DNAAF9: variants seen among roughly 807,000 people sequenced by gnomAD.
DNAAF9 encodes dynein axonemal assembly factor 9, also known as shulin.
DNAAF9 carries 90 observed loss-of-function variants against 167.0 expected under a neutral mutation model. The observed-to-expected ratio is 0.54, with a 90% CI of 0.45 to 0.64. The LOEUF (loss-of-function observed/expected upper bound fraction) is 0.64, where lower values mean the gene tolerates loss of function less well. Among genes scored for constraint, DNAAF9 ranks in the 30% least tolerant of loss-of-function variants. The pLI, the probability that DNAAF9 is intolerant of heterozygous loss-of-function variation, is 0.00. For synonymous variants in DNAAF9, 491 were observed against 508.8 expected, an observed-to-expected ratio of 0.96 and a Z score of 0.47; for missense variants, 1,315 against 1,442.2, an observed-to-expected ratio of 0.91 and a Z score of 1.43.
Position 3,260,040 on chromosome 20 carries a change from T to C in DNAAF9, c.2874-12A>G. The C allele has an allele frequency of 6.5e-7, 1 of 1,529,090 alleles. No individual in the cohort carries two copies. Among genetic ancestry groups the C allele is most frequent in the Non-Finnish European group, 9.1e-7 (1 of 1,102,518 alleles). The allele number at this position is 1,529,090 out of a possible 1,614,324, so 94.7% of individuals were successfully genotyped here. ...ATTTACCTTCATACCTTAAAAGGTTTAAAAAATTTTAAGTACAGGCCGGGC... is the reference window on the plus strand; with the variant it reads ...ATTTACCTTCATACCTTAAAAGGTTCAAAAAATTTTAAGTACAGGCCGGGC... On this transcript the variant is annotated splice_polypyrimidine_tract_variant and intron_variant, in intron 31 of 36. Coordinates refer to ENST00000252032, the MANE Select transcript of DNAAF9 (RefSeq NM_001009984.3).
intron 1 of DNAAF9, among the ~76,000 whole-genome samples, chr20:3,406,628 T>C (rs768461934): frequency 1.3e-5 from 2 of 152,162 alleles, no homozygotes; most frequent in Non-Finnish European, 2.9e-5. Flanking sequence ...CGGATCTTCC[T>C]ATATCTAAAG....
chr20:3,337,440 G>GTTTTTTTTTTTTT (rs55881467), intron 10 of DNAAF9, among the ~76,000 whole-genome samples: 3 of 134,398 alleles, frequency 2.2e-5, no homozygotes, highest in Non-Finnish European at 4.7e-5. Flanking sequence ...CTTTTTTTTT[G>GTTTTTTTTTTTTT]TTTTTTTTTT....
At chr20:3,277,854 GCAGCATGAGCT>G (rs2068698782) in intron 29 of DNAAF9, among the ~76,000 whole-genome samples, 1 of 152,164 alleles carries the variant, frequency 6.6e-6, no homozygotes, top group Non-Finnish European at 1.5e-5. Flanking sequence ...CCTGCCCTGG[GCAGCATGAGCT>G]CAGCTGTTTC....
intron 20 of DNAAF9, among the ~76,000 whole-genome samples, chr20:3,309,911 C>T (rs897295028): frequency 1.3e-5 from 2 of 152,014 alleles, no homozygotes; most frequent in Non-Finnish European, 2.9e-5. Context: ...TAAAGAATTC[C>T]TGGCTGGGCG....
intron 25 of DNAAF9, 94 bp downstream of exon 25, chr20:3,294,018 GAGAGTCCTGTAACAGGGACTCCATCTA>G (rs2122932574): frequency 1.5e-6 from 1 of 672,750 alleles, no homozygotes; most frequent in East Asian, 2.5e-5. Context: ...CAAGGAAGTG[GAGAGTCCTGTAACAGGGACTCCATCTA>G]AGTTCTTTTT....
intron 27 of DNAAF9, among the ~76,000 whole-genome samples, chr20:3,282,672 T>C (rs751543161): frequency 6.6e-6 from 1 of 152,244 alleles, no homozygotes; most frequent in South Asian, 2.1e-4. Flanking sequence ...GAATTTCATC[T>C]ACTATCACTT....
intron 31 of DNAAF9, among the ~76,000 whole-genome samples, chr20:3,261,005 T>C (rs756151062): frequency 1.3e-5 from 2 of 152,084 alleles, no homozygotes; most frequent in South Asian, 2.1e-4. Context: ...GTTGTACATA[T>C]AGATGTGTAC....
At chr20:3,301,888 T>C (rs137858720) in intron 21 of DNAAF9, among the ~76,000 whole-genome samples, 108 of 152,086 alleles carry the variant, frequency 7.1e-4, no homozygotes, top group African/African-American at 2.5e-3. Flanking sequence ...TCACCAAAAA[T>C]GTTTTTCCCA....
chr20:3,300,833 T>G (rs1338443658), intron 21 of DNAAF9, among the ~76,000 whole-genome samples: 1 of 151,402 alleles, frequency 6.6e-6, no homozygotes, highest in Non-Finnish European at 1.5e-5. Context: ...CTTGAGCCAC[T>G]GCATCCAGCC....
intron 7 of DNAAF9, among the ~76,000 whole-genome samples, chr20:3,349,309 G>C (rs1283596696): frequency 6.6e-6 from 1 of 151,738 alleles, no homozygotes; most frequent in Non-Finnish European, 1.5e-5. Context: ...TTGAGCCCAA[G>C]AGGTCCAAGT....
At chr20:3,371,349 T>G (rs998600287) in intron 6 of DNAAF9, among the ~76,000 whole-genome samples, 1 of 135,108 alleles carries the variant, frequency 7.4e-6, no homozygotes, top group African/African-American at 2.8e-5. Context: ...TTTTTTTTTT[T>G]TTTTTTTTTT....
intron 21 of DNAAF9, among the ~76,000 whole-genome samples, chr20:3,302,638 T>C (rs761132651): frequency 7.2e-5 from 11 of 152,206 alleles, no homozygotes; most frequent in Middle Eastern, 3.2e-3. Flanking sequence ...ATACACAACA[T>C]GGATGAATCT....
intron 1 of DNAAF9, among the ~76,000 whole-genome samples, chr20:3,396,520 A>G (rs916347100): frequency 6.6e-6 from 1 of 152,232 alleles, no homozygotes; most frequent in Non-Finnish European, 1.5e-5. Context: ...GATAAACTAA[A>G]TAAGTAAGTA....
intron 33 of DNAAF9, 108 bp from the exon 34 acceptor site, chr20:3,256,319 A>G: frequency 1.2e-6 from 1 of 821,696 alleles, no homozygotes; most frequent in Non-Finnish European, 2.0e-6. Context: ...AGAAAATGCA[A>G]GAGACAGAAC....
At chr20:3,379,895 T>C (rs1318224834) in intron 3 of DNAAF9, among the ~76,000 whole-genome samples, 1 of 151,870 alleles carries the variant, frequency 6.6e-6, no homozygotes, top group African/African-American at 2.4e-5. Flanking sequence ...CTGTCTCTAC[T>C]AAAAATTCAA....
intron 1 of DNAAF9, among the ~76,000 whole-genome samples, chr20:3,398,932 A>C (rs888766855): frequency 1.8e-4 from 28 of 152,236 alleles, no homozygotes; most frequent in African/African-American, 6.8e-4. Flanking sequence ...AATGGAAAAA[A>C]GCTAGCCAAT....
chr20:3,371,904 A>C (rs6051809), intron 6 of DNAAF9, among the ~76,000 whole-genome samples: 30,850 of 152,014 alleles, frequency 0.2, 3,395 homozygotes, highest in African/African-American at 0.27. Context: ...AAGAAGGAGG[A>C]AGTTAGAGGC....
At chr20:3,277,067 G>A (rs570547565) in intron 29 of DNAAF9, among the ~76,000 whole-genome samples, 1 of 152,208 alleles carries the variant, frequency 6.6e-6, no homozygotes, top group East Asian at 1.9e-4. Flanking sequence ...ACAATTCTTG[G>A]AAGTATTCTC....
At chr20:3,272,351 T>A (rs984275523) in intron 29 of DNAAF9, among the ~76,000 whole-genome samples, 10 of 152,074 alleles carry the variant, frequency 6.6e-5, no homozygotes, top group African/African-American at 1.9e-4. Flanking sequence ...CAGCCTCCTG[T>A]GTAGCTGGGA....
Sources: allele counts gnomAD v4.1 joint callset (sites outside exome capture counted in the v4.1 genomes callset), GRCh38; gene constraint gnomAD v4.1.1; transcripts MANE v1.5; gene names NCBI Gene and HGNC (gene_info 2026-07-23, HGNC 2026-07-21).